Variants in ZNF658 observed in about 807,000 individuals in gnomAD.
The protein encoded by ZNF658 is zinc finger protein 658.
ZNF658 carries 46 observed loss-of-function variants against 78.0 expected under a neutral mutation model. That is an observed-to-expected ratio of 0.59 (90% CI 0.47 to 0.75). ZNF658 has a LOEUF of 0.75. ZNF658 is among the 30% of genes least tolerant of loss of function. ZNF658 has a pLI of 0.00. For synonymous variants in ZNF658, 279 were observed against 408.4 expected (o/e 0.68, Z 3.82); for missense variants, 785 against 1,189.3 (o/e 0.66, Z 5.00).
At chr9:66,908,177 A>T (rs1822122833) in intron 2 of ZNF658, 61 bp from the exon 3 acceptor site, 1 of 1,612,396 alleles carries the variant, frequency 6.2e-7, no homozygotes, top group Non-Finnish European at 8.5e-7. Flanking sequence ...TTTCTGTGTC[A>T]CCCAATTCTG....
Position 66,918,874 on chromosome 9 carries a change from A to T in ZNF658, c.1308A>T (p.Gly436=). ...TTCAGCATCCTGGAACTTATGTGGG[A>T]TTCAAACTTTATGAATGTAATGAAT... ...HPIQHPGTYV[G]FKLYECNECG... is the part of the protein sequence containing the mutation. Residue 436 remains glycine, a synonymous_variant, in exon 5 of 5, where the codon GGA becomes GGT. Coordinates refer to ENST00000621410, the MANE Select transcript of ZNF658 (RefSeq NM_033160.7). 1 of 1,597,450 alleles carries T rather than the reference A, an allele frequency of 6.3e-7. No individual in the cohort carries two copies. The highest frequency in any genetic ancestry group is 8.6e-7 in the Non-Finnish European group (1 of 1,169,000).
Position 66,920,856 on chromosome 9 carries a change from A to T in ZNF658, c.*110A>T. ...TTTTCATTAGGCTCATAGTTTGTGG[A>T]AAAATCCCAATATGCCGTTTATTCA... On this transcript the variant is annotated 3_prime_UTR_variant, in exon 5 of 5. Coordinates refer to ENST00000621410, the MANE Select transcript of ZNF658 (RefSeq NM_033160.7). 1 of 686,166 alleles carries T rather than the reference A, an allele frequency of 1.5e-6. No individual in the cohort carries two copies. The highest frequency in any genetic ancestry group is 1.8e-5 in the South Asian group (1 of 56,754). 42.5% of individuals were successfully genotyped at this position (686,166 alleles called of 1,614,324 possible). A position where few individuals can be genotyped will look rare whatever the true frequency, so the allele number is the denominator to read the frequency against.
rs749493070 is a variant in ZNF658 at position 66,918,628 on chromosome 9, A to T, written c.1062A>T (p.Glu354Asp). 6.2e-7 allele frequency: 1 copy of T among 1,612,152 alleles called. No homozygotes were observed. Among genetic ancestry groups the T allele is most frequent in the Non-Finnish European group, 8.5e-7 (1 of 1,178,398 alleles). The change falls in exon 5 of 5, where the codon GAA (glutamate) becomes GAT (aspartate). Residue 354 changes from glutamate (E) to aspartate (D), a missense_variant. Glu to Asp is a conservative substitution (Grantham distance 45). Around this residue, in one of 12 missense-constraint regions of ZNF658, gnomAD observed 393 missense variants for 400.2 expected, o/e 0.98. Transcript: ENST00000621410. ...CACAAGCTGGAGATAAATTTGGTGA[A>T]CATAATGAATGTACAGATGCCCTCT... The part of the protein sequence containing the change: ...QKTQAGDKFG[E>D]HNECTDALYQ...
rs1391715417 is a variant in ZNF658 at position 66,917,986 on chromosome 9, C to T, written c.420C>T (p.Asp140=). 3.6e-5 allele frequency: 57 copies of T among 1,594,770 alleles called. 1 individual carries two copies. The highest frequency in any genetic ancestry group is 1.5e-4 in the Admixed American group (8 of 54,806). Residue 140 remains aspartate (D), a synonymous_variant, in exon 5 of 5, where the codon GAC becomes GAT. Coordinates refer to ENST00000621410, the MANE Select transcript of ZNF658 (RefSeq NM_033160.7). ...ELSEKISCKC[D]SHRMNLPVAS... is the part of the protein sequence containing the mutation. ...CAGAAAAAATATCCTGTAAATGTGA[C>T]TCACACAGAATGAATTTGCCAGTTG...
At chr9:66,909,059 G>A (rs62561239) in intron 4 of ZNF658, among the ~76,000 whole-genome samples, 35,902 of 151,672 alleles carry the variant, frequency 0.24, 4,459 homozygotes, top group Middle Eastern at 0.43. Flanking sequence ...GTATACAAGA[G>A]GATGTGCATA....
intron 6 of ZNF658, among the ~76,000 whole-genome samples, chr9:66,931,417 T>C (rs1162721785): frequency 6.6e-6 from 1 of 152,036 alleles, no homozygotes; most frequent in Non-Finnish European, 1.5e-5. Flanking sequence ...GTCTAGCATA[T>C]TGTGTTAGAA....
intron 4 of ZNF658, among the ~76,000 whole-genome samples, chr9:66,917,382 T>C (rs1412207033): frequency 1.4e-5 from 2 of 142,822 alleles, no homozygotes; most frequent in Non-Finnish European, 3.0e-5. Context: ...TATTTAATAT[T>C]TGGAAACATG....
intron 6 of ZNF658, among the ~76,000 whole-genome samples, chr9:66,930,313 G>C (rs1266287751): frequency 6.9e-6 from 1 of 144,348 alleles, no homozygotes; most frequent in Non-Finnish European, 1.5e-5. Context: ...TTTCCAACAA[G>C]AGTGTCACAA....
At chr9:66,927,430 G>GA (rs777603319) in intron 6 of ZNF658, among the ~76,000 whole-genome samples, 6 of 152,012 alleles carry the variant, frequency 3.9e-5, no homozygotes, top group East Asian at 3.9e-4. Flanking sequence ...TTTACTATGG[G>GA]AAAAAAGAAT....
chr9:66,907,223 G>T (rs1186631672), intron 2 of ZNF658, among the ~76,000 whole-genome samples: 1 of 152,040 alleles, frequency 6.6e-6, no homozygotes, highest in Non-Finnish European at 1.5e-5. Context: ...ACTCCTAAAT[G>T]CTTATCTTCA....
At chr9:66,931,632 A>G (rs2118145878) in intron 6 of ZNF658, among the ~76,000 whole-genome samples, 1 of 147,052 alleles carries the variant, frequency 6.8e-6, no homozygotes, top group South Asian at 2.3e-4. Flanking sequence ...ACTTCATGTG[A>G]ATCTACAATT....
At chr9:66,903,243 C>T (rs1373505865) in intron 1 of ZNF658, 1 of 360,852 alleles carries the variant, frequency 2.8e-6, no homozygotes, top group Non-Finnish European at 5.1e-6. Context: ...ATCAGAGATG[C>T]ACATATTCAG....
intron 4 of ZNF658, among the ~76,000 whole-genome samples, chr9:66,913,623 C>T (rs930093752): frequency 6.6e-6 from 1 of 151,762 alleles, no homozygotes; most frequent in Non-Finnish European, 1.5e-5. Context: ...TTTTACAGAA[C>T]CTGCTTTTGT....
At chr9:66,925,742 G>C (rs1487274579), downstream of ZNF658, among the ~76,000 whole-genome samples, 1 of 151,896 alleles carries the variant, frequency 6.6e-6, no homozygotes, top group African/African-American at 2.4e-5. Flanking sequence ...CTCATTTCAC[G>C]AGGCCAGCAT....
intron 4 of ZNF658, among the ~76,000 whole-genome samples, chr9:66,914,649 T>C (rs1312536647): frequency 6.6e-6 from 1 of 152,136 alleles, no homozygotes; most frequent in Non-Finnish European, 1.5e-5. Context: ...TTGGCATTGA[T>C]GTAGTGTGTG....
chr9:66,914,473 C>T (rs1393372606), intron 4 of ZNF658, among the ~76,000 whole-genome samples: 1 of 151,850 alleles, frequency 6.6e-6, no homozygotes, highest in Non-Finnish European at 1.5e-5. Context: ...CTGGCTGGTC[C>T]TTCCAGTGCA....
Position 66,908,766 on chromosome 9 carries a change from G to A in ZNF658, c.238+32G>A, listed in dbSNP as rs751887690. 6.2e-6 allele frequency: 10 copies of A among 1,602,532 alleles called. 1 individual carries two copies. Among genetic ancestry groups the A allele is most frequent in the Middle Eastern group, 1.7e-4 (1 of 6,030 alleles). On this transcript the variant is annotated intron_variant, in intron 4 of 4. Transcript: ENST00000621410. ...GGGCATTAACAGAAGGAGCCCCCTG[G>A]GGGTACTTAGTCTTTAGAGGGAGAG...
chr9:66,922,068 G>A (rs1453403323), downstream of ZNF658, among the ~76,000 whole-genome samples: 3 of 116,720 alleles, frequency 2.6e-5, no homozygotes, highest in Non-Finnish European at 5.4e-5. Flanking sequence ...CCCTCCCCCA[G>A]CCTTGCTGCC....
chr9:66,907,916 G>T (rs928157970), intron 2 of ZNF658, among the ~76,000 whole-genome samples: 1 of 151,266 alleles, frequency 6.6e-6, no homozygotes, highest in Non-Finnish European at 1.5e-5. Context: ...CAGTGATGAT[G>T]TCCAGGGAGG....
Sources: gnomAD v4.1 joint callset for allele counts (sites outside exome capture counted in the v4.1 genomes callset) on GRCh38, gnomAD v4.1.1 for gene constraint, gnomAD v4.1.1 regional missense constraint, MANE v1.5 for transcripts, NCBI Gene and HGNC (gene_info 2026-07-23, HGNC 2026-07-21) for gene names.